TPD52: variants seen among roughly 807,000 people sequenced by gnomAD.
TPD52 encodes prostate and colon associated protein.
In TPD52, 17 loss-of-function variants were observed where a neutral mutation model predicts 31.3. The observed-to-expected ratio is 0.54, with a 90% CI of 0.37 to 0.82. The LOEUF (loss-of-function observed/expected upper bound fraction) is 0.82, where lower values mean the gene tolerates loss of function less well. TPD52 is among the 40% of genes least tolerant of loss of function. The pLI, the probability that TPD52 is intolerant of heterozygous loss-of-function variation, is 0.00. For synonymous variants in TPD52, 83 were observed against 89.6 expected (o/e 0.93, Z 0.42); for missense variants, 212 against 240.1 (o/e 0.88, Z 0.77).
chr8:80,121,556 C>G (rs984388924), intron 1 of TPD52, among the ~76,000 whole-genome samples: 2 of 152,206 alleles, frequency 1.3e-5, no homozygotes, highest in African/African-American at 2.4e-5. Flanking sequence ...CAAGCCCAAA[C>G]AGACCATCCA....
chr8:80,051,826 C>A, intron 3 of TPD52, 198 bp from the exon 4 acceptor site: 1 of 515,308 alleles, frequency 1.9e-6, no homozygotes. Flanking sequence ...AGCTCAGGCA[C>A]AATCTTCTGC....
At chr8:80,147,761 T>C (rs1365805496) in intron 1 of TPD52, among the ~76,000 whole-genome samples, 5 of 151,814 alleles carry the variant, frequency 3.3e-5, no homozygotes, top group African/African-American at 1.2e-4. Flanking sequence ...GCCACTACCA[T>C]TCTAATCCCT....
At chr8:80,108,612 G>A (rs1025271569) in intron 1 of TPD52, among the ~76,000 whole-genome samples, 1 of 152,120 alleles carries the variant, frequency 6.6e-6, no homozygotes, top group African/African-American at 2.4e-5. Flanking sequence ...GGATATACAG[G>A]TTTCTTATAA....
At chr8:80,120,757 C>T (rs1445072841) in intron 1 of TPD52, among the ~76,000 whole-genome samples, 4 of 152,038 alleles carry the variant, frequency 2.6e-5, no homozygotes, top group Admixed American at 1.3e-4. Flanking sequence ...TGTCTTATAA[C>T]ATAGAGATAA....
intron 1 of TPD52, among the ~76,000 whole-genome samples, chr8:80,081,077 T>C (rs1015651431): frequency 3.9e-5 from 6 of 152,006 alleles, no homozygotes; most frequent in African/African-American, 1.4e-4. Context: ...AATAAAGCTG[T>C]ATTTCCATGA....
chr8:80,157,905 A>G (rs1263288111), intron 1 of TPD52, among the ~76,000 whole-genome samples: 1 of 152,212 alleles, frequency 6.6e-6, no homozygotes, highest in Non-Finnish European at 1.5e-5. Flanking sequence ...ATTTTGCATT[A>G]AAAGCATCTT....
At chr8:80,053,154 A>T in intron 3 of TPD52, 128 bp downstream of exon 3, 1 of 1,013,584 alleles carries the variant, frequency 9.9e-7, no homozygotes, top group African/African-American at 1.6e-5. Context: ...TCAGAAAAAA[A>T]GGGTGCCGTG....
chr8:80,061,236 T>C (rs562814819), intron 2 of TPD52, among the ~76,000 whole-genome samples: 15 of 151,948 alleles, frequency 9.9e-5, no homozygotes, highest in Admixed American at 4.6e-4. Flanking sequence ...TAGTGGCACA[T>C]TCGTGTAATC....
intron 1 of TPD52, among the ~76,000 whole-genome samples, chr8:80,165,313 T>C (rs1236869142): frequency 2.0e-5 from 3 of 152,196 alleles, no homozygotes; most frequent in Non-Finnish European, 4.4e-5. Flanking sequence ...ACTATCAAAA[T>C]TGAACAGCCA....
chr8:80,095,170 A>G (rs916275229), intron 1 of TPD52, among the ~76,000 whole-genome samples: 3 of 152,208 alleles, frequency 2.0e-5, no homozygotes, highest in Non-Finnish European at 2.9e-5. Context: ...ACATCCAGAC[A>G]GTGGAATATT....
chr8:80,041,077 T>G (rs1586130505), intron 7 of TPD52, among the ~76,000 whole-genome samples: 1 of 152,124 alleles, frequency 6.6e-6, no homozygotes, highest in African/African-American at 2.4e-5. Flanking sequence ...AGAAAAGGTA[T>G]GTACTAACGT....
chr8:80,095,810 T>C (rs1253743773), intron 1 of TPD52, among the ~76,000 whole-genome samples: 1 of 152,150 alleles, frequency 6.6e-6, no homozygotes, highest in Non-Finnish European at 1.5e-5. Context: ...TAGCTGAGTG[T>C]AGCGGCATGC....
chr8:80,130,487 C>T (rs1160814479), intron 1 of TPD52, among the ~76,000 whole-genome samples: 2 of 152,088 alleles, frequency 1.3e-5, no homozygotes, highest in African/African-American at 4.8e-5. Context: ...AGCAGTTTTC[C>T]AAAGAGCTAC....
At chr8:80,152,780 C>CAAAAA (rs57456374) in intron 1 of TPD52, among the ~76,000 whole-genome samples, 3 of 83,546 alleles carry the variant, frequency 3.6e-5, no homozygotes, top group African/African-American at 1.0e-4. Flanking sequence ...GACTCCGTCT[C>CAAAAA]AAAAAAAAAA....
At chr8:80,150,459 G>A (rs1810495520) in intron 1 of TPD52, among the ~76,000 whole-genome samples, 2 of 152,154 alleles carry the variant, frequency 1.3e-5, no homozygotes, top group South Asian at 2.1e-4. Flanking sequence ...TCATCCTCCA[G>A]ATCCCAAAAT....
chr8:80,128,276 A>G (rs1215782823), intron 1 of TPD52, among the ~76,000 whole-genome samples: 2 of 151,992 alleles, frequency 1.3e-5, no homozygotes, highest in Admixed American at 1.3e-4. Context: ...TCACCTCATA[A>G]TGGTAAACTC....
intron 1 of TPD52, among the ~76,000 whole-genome samples, chr8:80,147,371 A>T (rs1490757013): frequency 6.6e-6 from 1 of 152,104 alleles, no homozygotes; most frequent in African/African-American, 2.4e-5. Context: ...AACACTGCCG[A>T]TCACAAAAAG....
intron 5 of TPD52, among the ~76,000 whole-genome samples, chr8:80,046,124 C>G (rs1024596282): frequency 6.6e-6 from 1 of 152,040 alleles, no homozygotes; most frequent in East Asian, 1.9e-4. Flanking sequence ...TAGCATGTAC[C>G]TACTAAATAT....
intron 1 of TPD52, among the ~76,000 whole-genome samples, chr8:80,142,736 A>C (rs1360895439): frequency 6.6e-6 from 1 of 152,098 alleles, no homozygotes; most frequent in Non-Finnish European, 1.5e-5. Flanking sequence ...TCCTGGGCAG[A>C]ACTCAACCTT....
Sources: allele counts gnomAD v4.1 joint callset (sites outside exome capture counted in the v4.1 genomes callset), GRCh38; gene constraint gnomAD v4.1.1; transcripts MANE v1.5; gene names NCBI Gene and HGNC (gene_info 2026-07-23, HGNC 2026-07-21).